Variants in KCNQ5 observed in about 807,000 individuals in gnomAD.
The protein encoded by KCNQ5 is potassium voltage-gated channel subfamily Q member 5.
KCNQ5 carries 30 observed loss-of-function variants against 98.2 expected under a neutral mutation model. The observed-to-expected ratio is 0.31, with a 90% CI of 0.23 to 0.41. The LOEUF is 0.41. KCNQ5 is among the 10% of genes least tolerant of loss of function. The probability of loss-of-function intolerance (pLI) is 1.00; values close to 1 mark genes in which losing one functional copy is unlikely to be tolerated. For synonymous variants in KCNQ5, 458 were observed against 449.4 expected, an observed-to-expected ratio of 1.02 and a Z score of -0.24; for missense variants, 835 against 1,182.5, an observed-to-expected ratio of 0.71 and a Z score of 4.31.
At chr6:73,177,140 TAA>T (rs1042912979) in intron 11 of KCNQ5, among the ~76,000 whole-genome samples, 65 of 152,168 alleles carry the variant, frequency 4.3e-4, no homozygotes, top group Admixed American at 4.3e-3. Flanking sequence ...TCAAAGAAGA[TAA>T]AGAGTGAGAA....
chr6:72,629,183 A>G (rs2098919502), intron 1 of KCNQ5, among the ~76,000 whole-genome samples: 1 of 152,286 alleles, frequency 6.6e-6, no homozygotes, highest in East Asian at 1.9e-4. Flanking sequence ...TGGCCATTCT[A>G]TGTGTCAGAC....
At position 72,622,680 on chromosome 6, in the gene KCNQ5, G is replaced by A. The variant is rs1392197785; in HGVS notation, c.398+93G>A. 16 of 1,429,706 alleles carry A rather than the reference G, an allele frequency of 1.1e-5. No homozygotes were observed. The highest frequency in any genetic ancestry group is 1.4e-5 in the Non-Finnish European group (15 of 1,045,206). The allele number at this position is 1,429,706 out of a possible 1,614,324, so 88.6% of individuals were successfully genotyped here. ...TCCGCGCTCGCGCCCTTGGGCCCCC[G>A]CGCGCGTGCACACGTGGTGGCTTTT... On this transcript the variant is annotated intron_variant, in intron 1 of 13. Transcript: ENST00000370398. The surrounding 1 kb of genome is among the most constrained non-coding windows in gnomAD (Gnocchi z 6.0).
chr6:73,073,902 G>T (rs1451160396), intron 3 of KCNQ5, among the ~76,000 whole-genome samples: 1 of 152,168 alleles, frequency 6.6e-6, no homozygotes, highest in Non-Finnish European at 1.5e-5. Context: ...ATAATAGGGA[G>T]ATTTTAAAAT....
intron 1 of KCNQ5, among the ~76,000 whole-genome samples, chr6:72,831,658 A>G (rs571728339): frequency 5.3e-5 from 8 of 152,104 alleles, no homozygotes; most frequent in African/African-American, 1.9e-4. Context: ...CAGCACACCA[A>G]CATGGCACAT....
intron 1 of KCNQ5, among the ~76,000 whole-genome samples, chr6:72,679,720 TAATAATAATAAAATAAA>T (rs1423043759): frequency 3.5e-5 from 4 of 114,780 alleles, no homozygotes; most frequent in Admixed American, 8.2e-5. Flanking sequence ...ACTTAAAGTA[TAATAATAATAAAATAAA>T]AATAATAAAG....
intron 1 of KCNQ5, among the ~76,000 whole-genome samples, chr6:72,673,204 C>A (rs1767228751): frequency 6.6e-6 from 1 of 152,156 alleles, no homozygotes; most frequent in African/African-American, 2.4e-5. Flanking sequence ...CCCACCCCTT[C>A]AGCTTTGTGC....
intron 1 of KCNQ5, among the ~76,000 whole-genome samples, chr6:72,670,390 T>C (rs1767039632): frequency 6.6e-6 from 1 of 152,206 alleles, no homozygotes. Flanking sequence ...ATCTTAGCTT[T>C]TTCTAGCATG....
At chr6:73,128,315 T>C (rs1028846595) in intron 9 of KCNQ5, among the ~76,000 whole-genome samples, 10 of 152,334 alleles carry the variant, frequency 6.6e-5, no homozygotes, top group African/African-American at 1.7e-4. Flanking sequence ...TAATCTCATA[T>C]ATGTGGTGGT....
intron 1 of KCNQ5, among the ~76,000 whole-genome samples, chr6:72,804,118 A>C (rs952709938): frequency 1.5e-4 from 23 of 152,224 alleles, no homozygotes; most frequent in African/African-American, 4.8e-4. Flanking sequence ...TTTATAGGGC[A>C]TACAAGGCAT....
At chr6:72,667,127 C>G (rs1055037469) in intron 1 of KCNQ5, among the ~76,000 whole-genome samples, 6 of 152,134 alleles carry the variant, frequency 3.9e-5, no homozygotes, top group African/African-American at 1.4e-4. Flanking sequence ...TGCTGCTACT[C>G]TCCTACCACT....
At chr6:72,940,091 T>C (rs1183224255) in intron 1 of KCNQ5, among the ~76,000 whole-genome samples, 7 of 152,314 alleles carry the variant, frequency 4.6e-5, no homozygotes, top group African/African-American at 1.7e-4. Flanking sequence ...GAGGTTGTTG[T>C]ATTCACAACC....
At chr6:72,696,591 CTT>C (rs202148991) in intron 1 of KCNQ5, among the ~76,000 whole-genome samples, 3,307 of 152,158 alleles carry the variant, frequency 0.022, 67 homozygotes, top group South Asian at 0.061. Context: ...AGTGGCAACT[CTT>C]TATCTCTTAG....
intron 1 of KCNQ5, among the ~76,000 whole-genome samples, chr6:72,940,925 C>T (rs764499903): frequency 6.6e-6 from 1 of 151,962 alleles, no homozygotes; most frequent in Non-Finnish European, 1.5e-5. Flanking sequence ...TGCTGTAACT[C>T]CCTGTGGGAA....
intron 11 of KCNQ5, among the ~76,000 whole-genome samples, chr6:73,174,377 A>G (rs1778132378): frequency 6.6e-6 from 1 of 152,206 alleles, no homozygotes; most frequent in Non-Finnish European, 1.5e-5. Flanking sequence ...CCACTGATGC[A>G]GATTATTCAT....
chr6:73,095,074 T>G (rs946959823), intron 5 of KCNQ5, among the ~76,000 whole-genome samples: 1 of 152,218 alleles, frequency 6.6e-6, no homozygotes, highest in Admixed American at 6.5e-5. Context: ...TTAGCTTTGG[T>G]CATCTAACAT....
At chr6:73,158,493 C>G (rs1374664383) in intron 10 of KCNQ5, among the ~76,000 whole-genome samples, 1 of 152,088 alleles carries the variant, frequency 6.6e-6, no homozygotes, top group Admixed American at 6.5e-5. Context: ...TCTCGAACTC[C>G]TGACCTCAGG....
chr6:72,968,211 C>A (rs1188397512), intron 1 of KCNQ5, among the ~76,000 whole-genome samples: 1 of 152,176 alleles, frequency 6.6e-6, no homozygotes, highest in Non-Finnish European at 1.5e-5. Context: ...GAACCCAGAA[C>A]TCCCTAAGTG....
chr6:72,919,782 G>C (rs73753205), intron 1 of KCNQ5, among the ~76,000 whole-genome samples: 2,289 of 152,318 alleles, frequency 0.015, 55 homozygotes, highest in African/African-American at 0.051. Context: ...AAGGAAGCCT[G>C]CCTTTGGTTA....
chr6:73,097,958 T>G (rs1012717469), intron 5 of KCNQ5, among the ~76,000 whole-genome samples: 12 of 152,054 alleles, frequency 7.9e-5, no homozygotes, highest in Admixed American at 3.3e-4. Flanking sequence ...ACCTAACTCT[T>G]CAATGCCCAG....
Sources: allele counts gnomAD v4.1 joint callset (sites outside exome capture counted in the v4.1 genomes callset), GRCh38; gene constraint gnomAD v4.1.1; non-coding constraint Gnocchi (gnomAD v3.1); transcripts MANE v1.5; gene names NCBI Gene and HGNC (gene_info 2026-07-23, HGNC 2026-07-21).